Variants in NAV3 observed in about 807,000 individuals in gnomAD.
The protein encoded by NAV3 is pore membrane and/or filament interacting like protein 1.
In NAV3, 87 loss-of-function variants were observed where a neutral mutation model predicts 244.7. The observed-to-expected ratio is 0.36, with a 90% CI of 0.30 to 0.42. NAV3 has a LOEUF of 0.42. NAV3 is among the 20% of genes least tolerant of loss of function. The pLI, the probability that NAV3 is intolerant of heterozygous loss-of-function variation, is 1.00. For synonymous variants in NAV3, 1,126 were observed against 1,042.2 expected, an observed-to-expected ratio of 1.08 and a Z score of -1.55; for missense variants, 2,663 against 2,893.3, an observed-to-expected ratio of 0.92 and a Z score of 1.83.
intron 2 of NAV3, among the ~76,000 whole-genome samples, chr12:77,789,510 A>T (rs1181914230): frequency 4.0e-4 from 1 of 2,516 alleles, no homozygotes; most frequent in African/African-American, 4.1e-4. Flanking sequence ...TAATGAGCTA[A>T]AAAAAAAAAA....
chr12:77,944,624 T>C (rs1345754769), intron 3 of NAV3, among the ~76,000 whole-genome samples: 3 of 152,100 alleles, frequency 2.0e-5, no homozygotes, highest in Admixed American at 1.3e-4. Flanking sequence ...GGTTAGAATA[T>C]ACTGAAAAAA....
chr12:78,102,765 A>G (rs548153688), intron 12 of NAV3, among the ~76,000 whole-genome samples: 44 of 152,334 alleles, frequency 2.9e-4, no homozygotes, highest in African/African-American at 2.9e-4. Flanking sequence ...ACCACGTGGA[A>G]GCTGCCAAGG....
At chr12:77,987,203 T>G (rs1452806150) in intron 5 of NAV3, among the ~76,000 whole-genome samples, 1 of 152,168 alleles carries the variant, frequency 6.6e-6, no homozygotes, top group Non-Finnish European at 1.5e-5. Flanking sequence ...CTTGGAAATC[T>G]TCACAAATCT....
At chr12:78,185,278 A>G (rs1438772130) in intron 30 of NAV3, among the ~76,000 whole-genome samples, 1 of 151,838 alleles carries the variant, frequency 6.6e-6, no homozygotes, top group East Asian at 1.9e-4. Context: ...CATGGTTATA[A>G]TGGTGACTAA....
rs750544294 is a variant in NAV3, at chr12:78,037,190, A to G, written c.2024-12803A>G. 4.6e-4 allele frequency: 324 copies of G among 702,890 alleles called. 3 individuals carry two copies. The Middle Eastern group carries it at 0.013, about 28-fold the overall frequency. The allele number at this position is 702,890 out of a possible 1,614,324, so 43.5% of individuals were successfully genotyped here. Reference sequence around the variant, plus strand: ...ACTTAGAGGAATTGTCTGCAAGAAGAGGCTTGGAAGGTGAGAGTGATGAAG... The same window carrying G: ...ACTTAGAGGAATTGTCTGCAAGAAGGGGCTTGGAAGGTGAGAGTGATGAAG... On this transcript the variant is annotated intron_variant, in intron 9 of 39. Coordinates refer to ENST00000397909, the MANE Select transcript of NAV3 (RefSeq NM_001024383.2).
chr12:77,965,072 A>G (rs571093964), intron 3 of NAV3, among the ~76,000 whole-genome samples: 1 of 152,250 alleles, frequency 6.6e-6, no homozygotes, highest in African/African-American at 2.4e-5. Flanking sequence ...AGAATTTAGT[A>G]AGACAGACAA....
intron 1 of NAV3, among the ~76,000 whole-genome samples, chr12:77,881,233 G>A (rs1405841318): frequency 2.0e-5 from 3 of 152,094 alleles, no homozygotes; most frequent in Admixed American, 6.6e-5. Flanking sequence ...AATTTTTACT[G>A]TAATGTCTTA....
intron 12 of NAV3, among the ~76,000 whole-genome samples, chr12:78,112,286 G>C (rs1393407659): frequency 1.3e-5 from 2 of 152,200 alleles, no homozygotes; most frequent in East Asian, 3.8e-4. Context: ...GATAGTCCCT[G>C]TGCTGCATGC....
At chr12:78,138,751 A>G (rs1956480679) in intron 19 of NAV3, among the ~76,000 whole-genome samples, 3 of 152,300 alleles carry the variant, frequency 2.0e-5, no homozygotes, top group Admixed American at 6.5e-5. Context: ...AGTGATTTTT[A>G]TATACTGGGA....
rs61932076 is a variant in NAV3, at chr12:77,634,902, G to C, written c.72+62636G>C. On this transcript the variant is annotated intron_variant, in intron 2 of 8. Transcript: ENST00000550042. ...GAGCTTCATATTGTAACTCTAGCAA[G>C]TGTTATTTATTTATTTATTTATTTT... 1.0e-3 allele frequency among the ~76,000 whole-genome samples: 155 copies of C among 149,540 alleles called. 1 individual carries two copies. Among genetic ancestry groups the C allele is most frequent in the Non-Finnish European group, 1.8e-3 (120 of 67,880 alleles).
chr12:77,632,760 A>G (rs1179582552), intron 2 of NAV3, among the ~76,000 whole-genome samples: 2 of 152,194 alleles, frequency 1.3e-5, no homozygotes, highest in Non-Finnish European at 2.9e-5. Flanking sequence ...GTAATACACC[A>G]ATTTTTGTCT....
chr12:77,894,300 C>G (rs1395754254), intron 1 of NAV3, among the ~76,000 whole-genome samples: 1 of 151,694 alleles, frequency 6.6e-6, no homozygotes, highest in Non-Finnish European at 1.5e-5. Context: ...AAGTTTATAA[C>G]CCAAGATAAA....
At chr12:77,697,933 G>A (rs1195233294) in intron 2 of NAV3, among the ~76,000 whole-genome samples, 1 of 152,158 alleles carries the variant, frequency 6.6e-6, no homozygotes, top group Non-Finnish European at 1.5e-5. Context: ...GGAGATGATA[G>A]TGTAGAGAAA....
At chr12:77,938,931 CGTGTGTGTGTGTGT>C (rs35392593) in intron 1 of NAV3, among the ~76,000 whole-genome samples, 1 of 142,502 alleles carries the variant, frequency 7.0e-6, no homozygotes, top group Non-Finnish European at 1.5e-5. Flanking sequence ...AATGTGATCT[CGTGTGTGTGTGTGT>C]GTGTGTGTGT....
rs567061146 is a variant in NAV3, at chr12:78,168,981, T to TA, written c.4981+115_4981+116insA. On this transcript the variant is annotated intron_variant, in intron 24 of 39. Coordinates refer to ENST00000397909, the MANE Select transcript of NAV3 (RefSeq NM_001024383.2). Reference sequence around the variant, plus strand: ...ACTGTGCATTATTAATACATACTAGTTGTATTAATAGTTGTATTAATACAT... The same window carrying TA: ...ACTGTGCATTATTAATACATACTAGTATGTATTAATAGTTGTATTAATACAT... The TA allele has an allele frequency of 2.1e-3, 1,310 of 610,904 alleles. 5 individuals are homozygous for TA. Among genetic ancestry groups the TA allele is most frequent in the South Asian group, 7.4e-3 (300 of 40,726 alleles). 37.8% of individuals were successfully genotyped at this position (610,904 alleles called of 1,614,324 possible). A position where few individuals can be genotyped will look rare whatever the true frequency, so the allele number is the denominator to read the frequency against.
chr12:78,035,651 C>G (rs1460611583), intron 9 of NAV3, among the ~76,000 whole-genome samples: 1 of 152,156 alleles, frequency 6.6e-6, no homozygotes, highest in African/African-American at 2.4e-5. Context: ...ACACACTTGA[C>G]CATAAACTTT....
chr12:77,706,677 T>C (rs1461590106), intron 2 of NAV3, among the ~76,000 whole-genome samples: 1 of 150,558 alleles, frequency 6.6e-6, no homozygotes, highest in Non-Finnish European at 1.5e-5. Flanking sequence ...GAGACCATCC[T>C]GGCTAACACG....
At chr12:78,141,331 G>A (rs1325252828) in intron 20 of NAV3, among the ~76,000 whole-genome samples, 1 of 152,144 alleles carries the variant, frequency 6.6e-6, no homozygotes, top group African/African-American at 2.4e-5. Flanking sequence ...GTAGCCTACA[G>A]GAAGTTATAT....
chr12:77,678,581 G>A (rs1054467417), intron 2 of NAV3, among the ~76,000 whole-genome samples: 12 of 152,142 alleles, frequency 7.9e-5, no homozygotes, highest in African/African-American at 2.9e-4. Flanking sequence ...ACTTTCTGCG[G>A]AATGCTAGCT....
Sources: allele counts gnomAD v4.1 joint callset (sites outside exome capture counted in the v4.1 genomes callset), GRCh38; gene constraint gnomAD v4.1.1; transcripts MANE v1.5; gene names NCBI Gene and HGNC (gene_info 2026-07-23, HGNC 2026-07-21).